The following BRWD3 variants were observed in gnomAD, a reference collection of about 807,000 sequenced individuals.
BRWD3 encodes the protein bromodomain and WD repeat domain containing 3, also known as bromodomain and WD repeat-containing protein 3.
BRWD3 carries 10 observed loss-of-function variants against 149.7 expected under a neutral mutation model. That is an observed-to-expected ratio of 0.07 (90% CI 0.04 to 0.11). The LOEUF is 0.11. Among genes scored for constraint, BRWD3 ranks in the 10% least tolerant of loss-of-function variants. The pLI is 1.00. For synonymous variants in BRWD3, 504 were observed against 456.7 expected, an observed-to-expected ratio of 1.10 and a Z score of -1.32; for missense variants, 940 against 1,373.2, an observed-to-expected ratio of 0.68 and a Z score of 4.99.
At chrX:80,700,104 A>G in intron 24 of BRWD3, 40 bp from the exon 25 acceptor site, 2 of 999,409 alleles carry the variant, frequency 2.0e-6, no homozygotes, top group Middle Eastern at 6.3e-4. Context: ...GCAGCATCCT[A>G]TATAACTCTG....
At position 80,710,505 on chromosome X, in the gene BRWD3, G is replaced by T. The variant is rs1369096221; in HGVS notation, c.2326-928C>A. The T allele has an allele frequency of 1.3e-5, 5 of 394,635 alleles. No homozygotes were observed. The East Asian group carries it at 2.8e-4, about 22-fold the overall frequency. 32.5% of individuals were successfully genotyped at this position (394,635 alleles called of 1,213,427 possible). On this transcript the variant is annotated intron_variant, in intron 20 of 40. Coordinates refer to ENST00000373275, the MANE Select transcript of BRWD3 (RefSeq NM_153252.5). ...AACATGGTCTGCATGCCTGAAGAGA[G>T]ACAATTCCTGCAGAACAGGACATAA...
rs1384827783 is a variant in BRWD3 at position 80,700,433 on chromosome X, G to T, written c.2836-369C>A. ...AATCAACTGCAGATTGAAAATATTT[G>T]ATATATATAACAATACAATTAGGCC... On this transcript the variant is annotated intron_variant, in intron 24 of 40. Transcript: ENST00000373275. Among the ~76,000 whole-genome samples, 61 of 55,539 alleles carry T rather than the reference G, an allele frequency of 1.1e-3. 1 individual carries two copies. The highest frequency in any genetic ancestry group is 1.5e-3 in the Admixed American group (5 of 3,422). The allele number at this position is 55,539 out of a possible 115,157, so 48.2% of individuals were successfully genotyped here.
chrX:80,801,505 C>T (rs750877876), intron 4 of BRWD3, among the ~76,000 whole-genome samples: 16 of 108,542 alleles, frequency 1.5e-4, no homozygotes, highest in Non-Finnish European at 2.5e-4. Flanking sequence ...CGTGAGCAAC[C>T]GCGCCCGGAC....
intron 22 of BRWD3, among the ~76,000 whole-genome samples, chrX:80,706,052 CTT>C (rs2072858972): frequency 8.9e-6 from 1 of 111,773 alleles, no homozygotes; most frequent in Admixed American, 9.5e-5. Context: ...TGTTTTTTAA[CTT>C]TTTGACTTTT....
At chrX:80,696,282 T>C (rs1044245109) in intron 26 of BRWD3, among the ~76,000 whole-genome samples, 2 of 110,976 alleles carry the variant, frequency 1.8e-5, no homozygotes, top group Admixed American at 1.9e-4. Context: ...CCTTACGTTT[T>C]AAACTCAACT....
At chrX:80,801,899 G>A (rs1271438456) in intron 4 of BRWD3, among the ~76,000 whole-genome samples, 1 of 110,235 alleles carries the variant, frequency 9.1e-6, no homozygotes, top group Non-Finnish European at 1.9e-5. Flanking sequence ...CAGAAGGGTT[G>A]AGAATCCCTG....
At chrX:80,700,442 A>ATATATATATATATATATATATATATAT (rs58761845) in intron 24 of BRWD3, among the ~76,000 whole-genome samples, 18 of 94,660 alleles carry the variant, frequency 1.9e-4, no homozygotes, top group Admixed American at 3.6e-4. Flanking sequence ...TGATATATAT[A>ATATATATATATATATATATATATATAT]ACAATACAAT....
chrX:80,692,971 G>A lies in BRWD3; in HGVS notation c.3232C>T (p.Pro1078Ser). ...ESQQPFQPEY[P>S]DSSFQCYSVH... ...CTGTAACACTGGAAAGAACTATCAG[G>A]ATACTCTGGTTGAAAAGGCTGCTGA... Residue 1078 changes from proline (P) to serine (S), a missense_variant, in exon 28 of 41, where the codon CCT becomes TCT. Physicochemically the swap from Pro to Ser is moderately conservative, Grantham distance 74 (BLOSUM62 -1). Around this residue, in one of 6 missense-constraint regions of BRWD3, gnomAD observed 158 missense variants for 284.0 expected, o/e 0.56. Coordinates refer to ENST00000373275, the MANE Select transcript of BRWD3 (RefSeq NM_153252.5). The A allele has an allele frequency of 8.3e-7, 1 of 1,209,959 alleles. No homozygotes were observed. Among genetic ancestry groups the A allele is most frequent in the East Asian group, 3.0e-5 (1 of 33,791 alleles).
intron 4 of BRWD3, among the ~76,000 whole-genome samples, chrX:80,797,417 A>G (rs6622368): frequency 0.02 from 2,181 of 111,611 alleles, 57 homozygotes; most frequent in African/African-American, 0.067. Flanking sequence ...GAAATACAAC[A>G]CATTTAGCAT....
chrX:80,800,882 T>C (rs2074287312), intron 4 of BRWD3, among the ~76,000 whole-genome samples: 3 of 111,074 alleles, frequency 2.7e-5, no homozygotes, highest in Non-Finnish European at 5.7e-5. Context: ...TTTATTAGTT[T>C]TAAGATTTCC....
At chrX:80,779,288 C>T in intron 6 of BRWD3, among the ~76,000 whole-genome samples, 1 of 111,200 alleles carries the variant, frequency 9.0e-6, no homozygotes, top group African/African-American at 3.3e-5. Flanking sequence ...GCACTCCAGC[C>T]TGGGCAACAA....
chrX:80,682,100 A>C lies in BRWD3; in HGVS notation c.4398-6T>G. 1 of 1,189,996 alleles carries C rather than the reference A, an allele frequency of 8.4e-7. No individual in the cohort carries two copies. The highest frequency in any genetic ancestry group is 1.8e-5 in the South Asian group (1 of 56,142). ...GTTTCTGCTTCCCTTTTGGACTAGA[A>C]GTAAAAATATGTAACAACGAGCATT... On this transcript the variant is annotated splice_polypyrimidine_tract_variant and splice_region_variant and intron_variant, in intron 38 of 40. Coordinates refer to ENST00000373275, the MANE Select transcript of BRWD3 (RefSeq NM_153252.5).
chrX:80,783,933 G>T (rs1283064504), intron 6 of BRWD3, among the ~76,000 whole-genome samples: 1 of 110,752 alleles, frequency 9.0e-6, no homozygotes, highest in Non-Finnish European at 1.9e-5. Flanking sequence ...AAGGATAGTG[G>T]GAAAGAGCGG....
intron 6 of BRWD3, among the ~76,000 whole-genome samples, chrX:80,770,361 T>C (rs2683778): frequency 8.0e-5 from 9 of 111,840 alleles, no homozygotes; most frequent in Non-Finnish European, 1.5e-4. Flanking sequence ...AATAAAATAC[T>C]GGCAAACCGA....
At position 80,676,862 on chromosome X, in the gene BRWD3, C is replaced by G; in HGVS notation, c.5156G>C (p.Gly1719Ala). 1 of 1,210,806 alleles carries G rather than the reference C, an allele frequency of 8.3e-7. No homozygotes were observed. Among genetic ancestry groups the G allele is most frequent in the Non-Finnish European group, 1.1e-6 (1 of 895,141 alleles). The change falls in exon 41 of 41, where the codon GGA becomes GCA. Residue 1719 changes from glycine (G) to alanine (A), a missense_variant. Physicochemically the swap from Gly to Ala is moderately conservative, Grantham distance 60. This residue lies in a region of BRWD3 where 349 missense variants were observed against 419.6 expected (regional missense o/e 0.83). Transcript: ENST00000373275. ...ACGTGCTCGTTTGGCTCTGGTAGCT[C>G]CTCTAGAAGCACCTCTTCCTCCTCT... ...RGRGGRGASR[G>A]ATRAKRARIA...
chrX:80,768,795 A>T (rs2073897209), intron 6 of BRWD3, among the ~76,000 whole-genome samples: 2 of 111,116 alleles, frequency 1.8e-5, no homozygotes, highest in Non-Finnish European at 3.8e-5. Context: ...CAAATTGTAT[A>T]AAGAGTCAAG....
intron 6 of BRWD3, among the ~76,000 whole-genome samples, chrX:80,783,933 G>A (rs1283064504): frequency 9.0e-6 from 1 of 110,752 alleles, no homozygotes; most frequent in East Asian, 2.8e-4. Flanking sequence ...AAGGATAGTG[G>A]GAAAGAGCGG....
intron 8 of BRWD3, among the ~76,000 whole-genome samples, chrX:80,739,730 C>T (rs903923006): frequency 2.7e-5 from 3 of 111,698 alleles, no homozygotes; most frequent in African/African-American, 6.5e-5. Flanking sequence ...TATGCCTACA[C>T]ACCTATAAGC....
intron 35 of BRWD3, among the ~76,000 whole-genome samples, chrX:80,686,505 T>C (rs979405983): frequency 6.4e-5 from 7 of 109,889 alleles, no homozygotes; most frequent in African/African-American, 2.3e-4. Context: ...AGTGGCCATA[T>C]TGATAACACA....
Sources: gnomAD v4.1 joint callset for allele counts (sites outside exome capture counted in the v4.1 genomes callset) on GRCh38, gnomAD v4.1.1 for gene constraint, gnomAD v4.1.1 regional missense constraint, MANE v1.5 for transcripts, NCBI Gene and HGNC (gene_info 2026-07-23, HGNC 2026-07-21) for gene names.